SLFN12L: variants seen among roughly 807,000 people sequenced by gnomAD.
SLFN12L encodes the protein schlafen family member 12 like.
Under a neutral mutation model 34.8 loss-of-function variants are expected in SLFN12L, and 34 were observed. That is an observed-to-expected ratio of 0.98 (90% CI 0.74 to 1.30). SLFN12L has a LOEUF of 1.30. SLFN12L is among the 50% of genes most tolerant of loss of function. SLFN12L has a pLI of 0.00. For synonymous variants in SLFN12L, 259 were observed against 247.5 expected, an observed-to-expected ratio of 1.05 and a Z score of -0.44; for missense variants, 703 against 696.2, an observed-to-expected ratio of 1.01 and a Z score of -0.11.
chr17:35,508,192 G>A lies in SLFN12L; in HGVS notation c.86+14087C>T, dbSNP rs189040563. 2.9e-3 allele frequency among the ~76,000 whole-genome samples: 440 copies of A among 152,274 alleles called. 5 individuals carry two copies. Among genetic ancestry groups the A allele is most frequent in the African/African-American group, 9.9e-3 (411 of 41,562 alleles). On this transcript the variant is annotated intron_variant, in intron 2 of 4. Coordinates refer to ENST00000628453, the MANE Select transcript of SLFN12L (RefSeq NM_001363830.2). The stretch of plus-strand genomic sequence containing the variant: ...ACCGCCTGCTTGCTCAATCAATCAC[G>A]ACCCTTTCATGTGGACCCCCTTAGA...
rs1914181491 is a variant in SLFN12L, at chr17:35,479,297, A to G, written c.985T>C (p.Cys329Arg). 1.3e-6 allele frequency: 2 copies of G among 1,589,092 alleles called. No individual in the cohort carries two copies. The highest frequency in any genetic ancestry group is 2.3e-5 in the South Asian group (2 of 88,328). Residue 329 changes from cysteine to arginine, a missense_variant, in exon 3 of 5, where the codon TGC (cysteine) becomes CGC (arginine). Coordinates refer to ENST00000628453, the MANE Select transcript of SLFN12L (RefSeq NM_001363830.2). ...CVEKGTINYLCKFLGVYDKGR... is the reference protein window; with the variant it reads ...CVEKGTINYLRKFLGVYDKGR... Reference sequence around the variant, plus strand: ...TTATCATATACTCCAAGGAATTTGCATAAGTAATTTATCGTCCCCTTCTCC... The same window carrying G: ...TTATCATATACTCCAAGGAATTTGCGTAAGTAATTTATCGTCCCCTTCTCC...
rs893932440 is a variant in SLFN12L at position 35,530,759 on chromosome 17, G to A, written c.-606+6814C>T. Among the ~76,000 whole-genome samples the A allele has an allele frequency of 3.9e-5, 6 of 152,128 alleles. No individual in the cohort carries two copies. In the South Asian group the frequency reaches 8.3e-4, roughly 21 times the overall value. On this transcript the variant is annotated intron_variant, in intron 1 of 4. Coordinates refer to ENST00000628453, the MANE Select transcript of SLFN12L (RefSeq NM_001363830.2). Reference sequence around the variant, plus strand: ...AAACTTAACTGTGCTATGGTGAGAAGGGGGCTCCTAAGACTCTCAGAATTG... The same window carrying A: ...AAACTTAACTGTGCTATGGTGAGAAAGGGGCTCCTAAGACTCTCAGAATTG...
chr17:35,464,859 G>A lies in SLFN12L; in HGVS notation c.*10064C>T, dbSNP rs555853265. Among the ~76,000 whole-genome samples, 1 of 152,108 alleles carries A rather than the reference G, an allele frequency of 6.6e-6. No individual in the cohort carries two copies. Among genetic ancestry groups the A allele is most frequent in the Admixed American group, 6.6e-5 (1 of 15,254 alleles). ...GTCGTGATTGGGTTTAGAACTGTAA[G>A]GTTTTTTGTTTTCTGTTTTTTGCTT... On this transcript the variant is annotated 3_prime_UTR_variant, in exon 5 of 5. Transcript: ENST00000628453.
chr17:35,508,495 C>T (rs374076098), intron 2 of SLFN12L, among the ~76,000 whole-genome samples: 19 of 152,192 alleles, frequency 1.2e-4, no homozygotes, highest in African/African-American at 4.3e-4. Flanking sequence ...TACAGACACC[C>T]GCCACCATGC....
chr17:35,501,531 A>T (rs1915294888), intron 2 of SLFN12L, among the ~76,000 whole-genome samples: 1 of 152,112 alleles, frequency 6.6e-6, no homozygotes, highest in Non-Finnish European at 1.5e-5. Flanking sequence ...TTTGGTGTAA[A>T]CTGTAAAAGT....
intron 2 of SLFN12L, among the ~76,000 whole-genome samples, chr17:35,501,269 A>C (rs147939829): frequency 7.9e-5 from 12 of 152,218 alleles, no homozygotes; most frequent in Admixed American, 7.8e-4. Context: ...GCAGACCCCA[A>C]TGGAGGATCA....
At chr17:35,504,151 G>A (rs889655523) in intron 2 of SLFN12L, among the ~76,000 whole-genome samples, 3 of 152,170 alleles carry the variant, frequency 2.0e-5, no homozygotes, top group Non-Finnish European at 4.4e-5. Context: ...GTCAAAGACA[G>A]CTCTCTACTT....
At chr17:35,500,895 A>G (rs1915271621) in intron 2 of SLFN12L, among the ~76,000 whole-genome samples, 1 of 152,124 alleles carries the variant, frequency 6.6e-6, no homozygotes, top group Non-Finnish European at 1.5e-5. Context: ...TCAATCAATC[A>G]CGACCCTTTC....
At position 35,497,400 on chromosome 17, in the gene SLFN12L, TAATA is replaced by T. The variant is rs998999752; in HGVS notation, c.87-17209_87-17206del. ...GAGCAAAACTCCATCTAAAAAATAA[TAATA>T]AATAAAATAAATATAAAAATAAAAA... On this transcript the variant is annotated intron_variant, in intron 2 of 4. Coordinates refer to ENST00000628453, the MANE Select transcript of SLFN12L (RefSeq NM_001363830.2). Among the ~76,000 whole-genome samples, 58 of 151,602 alleles carry T rather than the reference TAATA, an allele frequency of 3.8e-4. 1 individual carries two copies. The highest frequency in any genetic ancestry group is 3.7e-3 in the Admixed American group (56 of 15,222).
intron 2 of SLFN12L, among the ~76,000 whole-genome samples, chr17:35,496,959 T>A (rs533448376): frequency 9.2e-5 from 14 of 152,304 alleles, no homozygotes; most frequent in Admixed American, 7.2e-4. Context: ...TACCTGTGTT[T>A]TCCCAGGGCA....
Position 35,467,993 on chromosome 17 carries a change from T to C in SLFN12L, c.*6930A>G, listed in dbSNP as rs1913742189. ...GGCGTGATCACGATTCACTCCCCAC[T>C]CTACTTCCTGGGTTCAGACAATCCT... is the stretch of plus-strand genomic sequence containing the variant. On this transcript the variant is annotated 3_prime_UTR_variant, in exon 5 of 5. Transcript: ENST00000628453. Among the ~76,000 whole-genome samples the C allele has an allele frequency of 6.6e-6, 1 of 152,202 alleles. No individual in the cohort carries two copies. The highest frequency in any genetic ancestry group is 2.4e-5 in the African/African-American group (1 of 41,460).
intron 2 of SLFN12L, among the ~76,000 whole-genome samples, chr17:35,487,068 G>C (rs984981663): frequency 6.6e-6 from 1 of 152,174 alleles, no homozygotes; most frequent in African/African-American, 2.4e-5. Context: ...TCAGTGCCTG[G>C]TCACATTTCA....
chr17:35,494,020 C>T (rs1272366621), intron 2 of SLFN12L, among the ~76,000 whole-genome samples: 2 of 151,858 alleles, frequency 1.3e-5, no homozygotes, highest in East Asian at 1.9e-4. Flanking sequence ...CATGACAACT[C>T]GTGTGTATGA....
At chr17:35,513,927 C>T (rs1343450546) in intron 2 of SLFN12L, among the ~76,000 whole-genome samples, 1 of 152,112 alleles carries the variant, frequency 6.6e-6, no homozygotes, top group Non-Finnish European at 1.5e-5. Flanking sequence ...GTCAGGCAAG[C>T]ACGCGAAATT....
At chr17:35,522,132 G>A in intron 2 of SLFN12L, 147 bp downstream of exon 2, 1 of 1,116,036 alleles carries the variant, frequency 9.0e-7, no homozygotes, top group Non-Finnish European at 1.3e-6. Context: ...AAAAAAGGTA[G>A]AAAAAATTAC....
chr17:35,498,776 G>A, intron 2 of SLFN12L: 1 of 1,029,306 alleles, frequency 9.7e-7, no homozygotes, highest in Non-Finnish European at 1.5e-6. Context: ...ATACTGCCCT[G>A]TGCAAAATGT....
At chr17:35,491,193 C>A in intron 2 of SLFN12L, 1 of 963,786 alleles carries the variant, frequency 1.0e-6, no homozygotes, top group Non-Finnish European at 1.6e-6. Context: ...TCTTTGATGC[C>A]TATGATTTGG....
At chr17:35,536,388 T>A (rs955841470) in intron 1 of SLFN12L, among the ~76,000 whole-genome samples, 1 of 152,204 alleles carries the variant, frequency 6.6e-6, no homozygotes, top group Non-Finnish European at 1.5e-5. Context: ...TTAATTAATG[T>A]TGGTAAACAA....
In SLFN12L at chr17:35,476,095, T is replaced by C. The variant is rs560727069; in HGVS notation, c.1277-610A>G. 4.2e-4 allele frequency among the ~76,000 whole-genome samples: 64 copies of C among 152,112 alleles called. No individual in the cohort carries two copies. In the South Asian group the frequency reaches 0.012, roughly 28 times the overall value. On this transcript the variant is annotated intron_variant, in intron 4 of 4. Transcript: ENST00000628453. The stretch of plus-strand genomic sequence containing the variant: ...TTTTTCCCTAAGGAGATTTTCCATA[T>C]CACAGCATGGGTAAATAGAGCCCAT...
Sources: gnomAD v4.1 joint callset for allele counts (sites outside exome capture counted in the v4.1 genomes callset) on GRCh38, gnomAD v4.1.1 for gene constraint, MANE v1.5 for transcripts, NCBI Gene and HGNC (gene_info 2026-07-23, HGNC 2026-07-21) for gene names.